Variants in STAU2 observed in about 807,000 individuals in gnomAD.
The protein encoded by STAU2 is double-stranded RNA-binding protein Staufen homolog 2.
STAU2 carries 20 observed loss-of-function variants against 65.9 expected under a neutral mutation model. The observed-to-expected ratio is 0.30, with a 90% CI of 0.21 to 0.44. STAU2 has a LOEUF of 0.44. Among genes scored for constraint, STAU2 ranks in the 20% least tolerant of loss-of-function variants. The probability of loss-of-function intolerance (pLI) is 1.00; values close to 1 mark genes in which losing one functional copy is unlikely to be tolerated. For missense variants in STAU2, 558 were observed against 683.9 expected (o/e 0.82, Z 2.05); for synonymous variants, 232 against 233.9 (o/e 0.99, Z 0.07).
intron 13 of STAU2, among the ~76,000 whole-genome samples, chr8:73,434,692 C>T (rs752006288): frequency 1.6e-4 from 25 of 151,942 alleles, no homozygotes; most frequent in Non-Finnish European, 3.2e-4. Context: ...TTTCATTACA[C>T]ATCTTTCTCT....
At chr8:73,438,224 G>C (rs1028229807) in intron 13 of STAU2, among the ~76,000 whole-genome samples, 3 of 152,190 alleles carry the variant, frequency 2.0e-5, no homozygotes, top group African/African-American at 7.2e-5. Context: ...CTGGGGTATG[G>C]CCATGCATTC....
intron 6 of STAU2, among the ~76,000 whole-genome samples, chr8:73,631,716 A>G (rs1025912122): frequency 6.6e-6 from 1 of 152,150 alleles, no homozygotes; most frequent in African/African-American, 2.4e-5. Flanking sequence ...ATGTCAACAA[A>G]TCATAAGGAA....
In STAU2 at chr8:73,613,800, G is replaced by C; in HGVS notation, c.835C>G (p.Pro279Ala). Reference sequence around the variant, plus strand: ...AATAGTTTTGGCTTTTCCACCACAGGAAGAGGTGGAAGTTTTTTAAGCTCC... The same window carrying C: ...AATAGTTTTGGCTTTTCCACCACAGCAAGAGGTGGAAGTTTTTTAAGCTCC... ...LQELKKLPPL[P>A]VVEKPKLFFK... The change falls in exon 9 of 15, where the codon CCT (proline) becomes GCT (alanine). Residue 279 changes from proline (P) to alanine (A), a missense_variant. Pro to Ala is a conservative substitution (Grantham distance 27). Coordinates refer to ENST00000524300, the MANE Select transcript of STAU2 (RefSeq NM_001164380.2). 6.2e-7 allele frequency: 1 copy of C among 1,613,476 alleles called. No individual in the cohort carries two copies. The highest frequency in any genetic ancestry group is 1.1e-5 in the South Asian group (1 of 90,988).
intron 13 of STAU2, chr8:73,549,652 C>T: frequency 1.0e-6 from 1 of 985,238 alleles, no homozygotes; most frequent in Non-Finnish European, 1.2e-6. Context: ...ATATAGCTGT[C>T]ACATACAATG....
At chr8:73,651,238 A>G (rs1815850048) in intron 6 of STAU2, 3 of 728,882 alleles carry the variant, frequency 4.1e-6, no homozygotes, top group South Asian at 3.1e-5. Flanking sequence ...TCCGCCAGAG[A>G]GGGCTATGGC....
At chr8:73,574,964 T>C (rs1317839392) in intron 12 of STAU2, among the ~76,000 whole-genome samples, 1 of 149,120 alleles carries the variant, frequency 6.7e-6, no homozygotes, top group Non-Finnish European at 1.5e-5. Context: ...AATTTCAGAG[T>C]CGGAAAGGTA....
chr8:73,498,390 G>C (rs559745209), intron 13 of STAU2, among the ~76,000 whole-genome samples: 1 of 151,924 alleles, frequency 6.6e-6, no homozygotes, highest in African/African-American at 2.4e-5. Context: ...CTACATGTGT[G>C]TATACACTGT....
intron 3 of STAU2, among the ~76,000 whole-genome samples, chr8:73,737,981 G>GA (rs1563539735): frequency 6.6e-6 from 1 of 151,380 alleles, no homozygotes; most frequent in Non-Finnish European, 1.5e-5. Flanking sequence ...GCCACCTACT[G>GA]AAGCTGTATC....
At chr8:73,680,570 A>G (rs1818360509) in intron 5 of STAU2, among the ~76,000 whole-genome samples, 2 of 152,150 alleles carry the variant, frequency 1.3e-5, no homozygotes, top group Admixed American at 1.3e-4. Context: ...TAACACCCTC[A>G]AAAGATCACA....
At chr8:73,528,633 TTTATTATA>T (rs2128931783) in intron 13 of STAU2, among the ~76,000 whole-genome samples, 1 of 152,274 alleles carries the variant, frequency 6.6e-6, no homozygotes, top group East Asian at 1.9e-4. Flanking sequence ...GGGATTCCTA[TTTATTATA>T]TTAGAGAGAA....
At chr8:73,526,737 T>G (rs1341908389) in intron 13 of STAU2, among the ~76,000 whole-genome samples, 2 of 152,230 alleles carry the variant, frequency 1.3e-5, no homozygotes, top group Non-Finnish European at 2.9e-5. Flanking sequence ...CTAAAGTGAT[T>G]ATTTTAATGA....
At chr8:73,492,679 C>G (rs1821207625) in intron 13 of STAU2, among the ~76,000 whole-genome samples, 1 of 151,860 alleles carries the variant, frequency 6.6e-6, no homozygotes, top group East Asian at 1.9e-4. Context: ...GAAACAGGTA[C>G]TCTAATGCAA....
intron 6 of STAU2, among the ~76,000 whole-genome samples, chr8:73,661,737 T>C (rs1165596992): frequency 6.6e-6 from 1 of 152,220 alleles, no homozygotes; most frequent in Non-Finnish European, 1.5e-5. Flanking sequence ...CTCAGCATAT[T>C]GTTTCTGAGA....
chr8:73,443,508 T>C (rs1818309590), intron 13 of STAU2, among the ~76,000 whole-genome samples: 1 of 152,226 alleles, frequency 6.6e-6, no homozygotes, highest in African/African-American at 2.4e-5. Flanking sequence ...TAATGTGGGA[T>C]GAGCCCCAAG....
At chr8:73,672,893 G>T in intron 6 of STAU2, 1 of 260,740 alleles carries the variant, frequency 3.8e-6, no homozygotes, top group East Asian at 5.8e-5. Flanking sequence ...TACGTTTGTG[G>T]GGTAGGGGAA....
At chr8:73,515,806 C>T (rs1376158566) in intron 13 of STAU2, among the ~76,000 whole-genome samples, 1 of 111,736 alleles carries the variant, frequency 8.9e-6, no homozygotes, top group Non-Finnish European at 1.7e-5. Context: ...TTTTGAGACA[C>T]GGTCTCACTC....
intron 13 of STAU2, among the ~76,000 whole-genome samples, chr8:73,453,479 C>G (rs1818906085): frequency 1.3e-5 from 2 of 152,214 alleles, no homozygotes; most frequent in African/African-American, 4.8e-5. Flanking sequence ...CATTTACACT[C>G]TACATGGACA....
chr8:73,521,669 G>A (rs1823048831), intron 13 of STAU2, among the ~76,000 whole-genome samples: 4 of 152,144 alleles, frequency 2.6e-5, no homozygotes. Context: ...ATACTCTCTT[G>A]AGATGCTGGG....
chr8:73,564,628 C>A (rs920091855), intron 12 of STAU2, among the ~76,000 whole-genome samples: 1 of 151,844 alleles, frequency 6.6e-6, no homozygotes. Flanking sequence ...ACCTACATAA[C>A]AAACCTGCAT....
Sources: allele counts gnomAD v4.1 joint callset (sites outside exome capture counted in the v4.1 genomes callset), GRCh38; gene constraint gnomAD v4.1.1; transcripts MANE v1.5; gene names NCBI Gene and HGNC (gene_info 2026-07-23, HGNC 2026-07-21).